The following IQCK variants were observed in gnomAD, a reference collection of about 807,000 sequenced individuals.
The protein encoded by IQCK is IQ domain-containing protein K.
Under a neutral mutation model 28.1 loss-of-function variants are expected in IQCK, and 29 were observed. That is an observed-to-expected ratio of 1.03 (90% confidence interval 0.77 to 1.41). The LOEUF is 1.41. IQCK is among the 40% of genes most tolerant of loss of function. The pLI is 0.00. For missense variants in IQCK, 359 were observed against 314.7 expected (o/e 1.14, Z -1.07); for synonymous variants, 113 against 115.1 (o/e 0.98, Z 0.12).
chr16:19,735,733 T>C, intron 4 of IQCK: 1 of 416,356 alleles, frequency 2.4e-6, no homozygotes, highest in Non-Finnish European at 4.5e-6. Context: ...CCAGGTTTCT[T>C]GGGTCTTCAG....
chr16:19,798,421 A>T lies in IQCK; in HGVS notation c.690+9499A>T, dbSNP rs868611941. On this transcript the variant is annotated intron_variant, in intron 7 of 7. Coordinates refer to ENST00000564186, the Ensembl canonical transcript of IQCK. ...GACAGAGCCAGAGTCCATCACAAAA[A>T]ATATATATATATATATATATATATT... 7.7e-4 allele frequency among the ~76,000 whole-genome samples: 89 copies of T among 115,482 alleles called. 2 individuals carry two copies. Among genetic ancestry groups the T allele is most frequent in the East Asian group, 5.0e-3 (24 of 4,840 alleles). 75.8% of individuals were successfully genotyped at this position (115,482 alleles called of 152,430 possible).
chr16:19,811,210 G>A lies in IQCK; in HGVS notation c.691-15816G>A, dbSNP rs145871763. ...GGCTTGAGCCCAGGAGGTTGAAGCC[G>A]CAGTGAGCCCAGATCATGCCACTGC... is the stretch of plus-strand genomic sequence containing the variant. On this transcript the variant is annotated intron_variant, in intron 7 of 7. Coordinates refer to ENST00000564186, the Ensembl canonical transcript of IQCK. Among the ~76,000 whole-genome samples, 653 of 152,220 alleles carry A rather than the reference G, an allele frequency of 4.3e-3. 5 individuals carry two copies. The highest frequency in any genetic ancestry group is 0.015 in the African/African-American group (624 of 41,532).
chr16:19,811,985 ATTTTT>A (rs11290117), intron 7 of IQCK, among the ~76,000 whole-genome samples: 11 of 131,120 alleles, frequency 8.4e-5, no homozygotes, highest in African/African-American at 3.3e-4. Context: ...AATAGCCTTA[ATTTTT>A]TTTTTTTTTT....
At chr16:19,747,640 C>T (rs4782278) in intron 4 of IQCK, among the ~76,000 whole-genome samples, 24,609 of 152,028 alleles carry the variant, frequency 0.16, 2,152 homozygotes, top group South Asian at 0.26. Context: ...ACCCTCCTCC[C>T]ACCCCTTCAC....
rs141976582 is a variant in IQCK at position 19,727,877 on chromosome 16, G to A, written c.182-2553G>A. Among the ~76,000 whole-genome samples the A allele has an allele frequency of 2.6e-5, 4 of 152,118 alleles. 1 individual carries two copies. The highest frequency in any genetic ancestry group is 5.9e-5 in the Non-Finnish European group (4 of 68,012). On this transcript the variant is annotated intron_variant, in intron 1 of 7. Transcript: ENST00000564186. Reference sequence around the variant, plus strand: ...GAGAGGAAAAAAATGGTAGAGCTTGGGCTGGTATGGTAGGCGGAATTCTAA... The same window carrying A: ...GAGAGGAAAAAAATGGTAGAGCTTGAGCTGGTATGGTAGGCGGAATTCTAA...
At chr16:19,780,217 T>C (rs2055460193) in intron 6 of IQCK, among the ~76,000 whole-genome samples, 1 of 151,926 alleles carries the variant, frequency 6.6e-6, no homozygotes, top group Admixed American at 6.6e-5. Flanking sequence ...AATTTTTGTA[T>C]TTTTAGTAGA....
intron 6 of IQCK, among the ~76,000 whole-genome samples, chr16:19,772,539 A>T (rs1188749881): frequency 6.6e-6 from 1 of 152,196 alleles, no homozygotes; most frequent in East Asian, 1.9e-4. Flanking sequence ...ACATGCCAAA[A>T]TATTTATATA....
In IQCK at chr16:19,769,561, C is replaced by T. The variant is rs866504617; in HGVS notation, c.605+5449C>T. ...ATTTGGTCCAGTCACAGGAAACCAG[C>T]ATCGCTAGCTCCTGGAGTGTGTGAG... On this transcript the variant is annotated intron_variant, in intron 6 of 7. Transcript: ENST00000564186. 7.2e-5 allele frequency among the ~76,000 whole-genome samples: 11 copies of T among 152,320 alleles called. No individual in the cohort carries two copies. In the East Asian group the frequency reaches 1.5e-3, roughly 21 times the overall value.
intron 9 of IQCK, among the ~76,000 whole-genome samples, chr16:19,832,372 G>T (rs1020530104): frequency 7.0e-6 from 1 of 142,408 alleles, no homozygotes; most frequent in African/African-American, 2.7e-5. Flanking sequence ...TTGAAGAAAA[G>T]GCAGAGACTT....
intron 1 of IQCK, among the ~76,000 whole-genome samples, chr16:19,728,532 T>C (rs1809430705): frequency 6.6e-6 from 1 of 152,148 alleles, no homozygotes; most frequent in South Asian, 2.1e-4. Flanking sequence ...TTACAGATCT[T>C]AGCCACCATG....
chr16:19,736,155 C>T lies in IQCK; in HGVS notation c.474+705C>T, dbSNP rs541537835. Reference sequence around the variant, plus strand: ...CATCTCTCTACTCCATGCCAACTGTCATGAATGTAAACTGCTCGCAGAGAG... The same window carrying T: ...CATCTCTCTACTCCATGCCAACTGTTATGAATGTAAACTGCTCGCAGAGAG... On this transcript the variant is annotated intron_variant, in intron 4 of 7. Coordinates refer to ENST00000564186, the Ensembl canonical transcript of IQCK. The T allele has an allele frequency of 4.6e-5, 21 of 455,936 alleles. No individual in the cohort carries two copies. The East Asian group carries it at 1.0e-3, about 23-fold the overall frequency. The allele number at this position is 455,936 out of a possible 1,614,324, so 28.2% of individuals were successfully genotyped here.
At chr16:19,728,019 G>C (rs1349898014) in intron 1 of IQCK, among the ~76,000 whole-genome samples, 1 of 151,972 alleles carries the variant, frequency 6.6e-6, no homozygotes, top group Non-Finnish European at 1.5e-5. Context: ...TTAACCAGCT[G>C]ACTTTAAATT....
At chr16:19,767,909 AT>A (rs2055264317) in intron 6 of IQCK, among the ~76,000 whole-genome samples, 1 of 152,008 alleles carries the variant, frequency 6.6e-6, no homozygotes, top group Admixed American at 6.6e-5. Context: ...AAATAAATAA[AT>A]AAAATAAAAT....
intron 6 of IQCK, among the ~76,000 whole-genome samples, chr16:19,783,275 A>T (rs180793984): frequency 3.3e-5 from 5 of 152,272 alleles, no homozygotes; most frequent in Admixed American, 2.0e-4. Flanking sequence ...CTGGGATTAC[A>T]GGCGGGAGCC....
At chr16:19,732,793 G>T (rs1339562638) in intron 2 of IQCK, among the ~76,000 whole-genome samples, 1 of 152,126 alleles carries the variant, frequency 6.6e-6, no homozygotes, top group Non-Finnish European at 1.5e-5. Flanking sequence ...CCATCATGGT[G>T]CCCTAAGTGG....
intron 4 of IQCK, chr16:19,736,309 C>A: frequency 2.6e-6 from 1 of 384,060 alleles, no homozygotes; most frequent in Non-Finnish European, 5.1e-6. Flanking sequence ...TGTTTTCAGG[C>A]TGGGGTGCAG....
chr16:19,740,962 C>T (rs1016014263), intron 4 of IQCK, among the ~76,000 whole-genome samples: 1 of 139,004 alleles, frequency 7.2e-6, no homozygotes, highest in African/African-American at 2.9e-5. Context: ...AGCGAGACTC[C>T]ATCTAAAAAA....
chr16:19,727,595 C>G (rs1031575108), intron 1 of IQCK, among the ~76,000 whole-genome samples: 14 of 149,970 alleles, frequency 9.3e-5, no homozygotes, highest in South Asian at 4.2e-4. Flanking sequence ...ACCCCCCCCC[C>G]CCAAAAAAAA....
Position 19,752,783 on chromosome 16 carries a change from C to T in IQCK, c.475-11065C>T, listed in dbSNP as rs186609842. ...TTTGCCATGTTGGCCAGGCTGGTCTCGAATTTCTCAGCTCAAATGATCCAC... is the reference window on the plus strand; with the variant it reads ...TTTGCCATGTTGGCCAGGCTGGTCTTGAATTTCTCAGCTCAAATGATCCAC... On this transcript the variant is annotated intron_variant, in intron 4 of 7. Coordinates refer to ENST00000564186, the Ensembl canonical transcript of IQCK. Among the ~76,000 whole-genome samples, 339 of 152,160 alleles carry T rather than the reference C, an allele frequency of 2.2e-3. 5 individuals carry two copies. The highest frequency in any genetic ancestry group is 0.016 in the South Asian group (78 of 4,818).
Sources: allele counts gnomAD v4.1 joint callset (sites outside exome capture counted in the v4.1 genomes callset), GRCh38; gene constraint gnomAD v4.1.1; transcripts MANE v1.5; gene names NCBI Gene and HGNC (gene_info 2026-07-23, HGNC 2026-07-21).